GNG12: variants seen among roughly 807,000 people sequenced by gnomAD.
The protein encoded by GNG12 is guanine nucleotide-binding protein G(I)/G(S)/G(O) subunit gamma-12.
For missense variants in GNG12, 69 were observed against 83.8 expected, an observed-to-expected ratio of 0.82 and a Z score of 0.69; for synonymous variants, 28 against 29.7, an observed-to-expected ratio of 0.94 and a Z score of 0.19.
intron 2 of GNG12, among the ~76,000 whole-genome samples, chr1:67,730,059 G>C (rs1037192050): frequency 2.0e-5 from 3 of 152,156 alleles, no homozygotes; most frequent in East Asian, 3.9e-4. Context: ...TATTCAAATG[G>C]AAACTGCCCA....
Position 67,707,699 on chromosome 1 carries a change from T to C in GNG12, c.-13A>G. 6.4e-7 allele frequency: 1 copy of C among 1,573,480 alleles called. No homozygotes were observed. The highest frequency in any genetic ancestry group is 1.2e-5 in the South Asian group (1 of 84,468). ...TTTTGCTGGACATCTTCAATTATTG[T>C]TTTTACCTGAAATCTGAGGAGAATT... On this transcript the variant is annotated 5_prime_UTR_variant, in exon 3 of 4. Coordinates refer to ENST00000370982, the MANE Select transcript of GNG12 (RefSeq NM_018841.6).
Position 67,833,453 on chromosome 1 carries a change from C to A in GNG12, c.-186G>T. ...CTCCTCCTCTTGCTCCTCCGGGCGC[C>A]GGCTCCGCCTCGCTGGGGTGGGCGG... is the stretch of plus-strand genomic sequence containing the variant. On this transcript the variant is annotated 5_prime_UTR_variant, in exon 1 of 4. Transcript: ENST00000370982. 3 of 985,492 alleles carry A rather than the reference C, an allele frequency of 3.0e-6. No homozygotes were observed. Among genetic ancestry groups the A allele is most frequent in the Middle Eastern group, 5.2e-4 (1 of 1,916 alleles). 61.0% of individuals were successfully genotyped at this position (985,492 alleles called of 1,614,324 possible). A position where few individuals can be genotyped will look rare whatever the true frequency, so the allele number is the denominator to read the frequency against.
intron 1 of GNG12, among the ~76,000 whole-genome samples, chr1:67,793,487 T>G (rs549643720): frequency 6.6e-6 from 1 of 152,174 alleles, no homozygotes; most frequent in Non-Finnish European, 1.5e-5. Flanking sequence ...AAGAAAACGG[T>G]AGATATCAAA....
intron 2 of GNG12, among the ~76,000 whole-genome samples, chr1:67,767,803 A>G (rs965811973): frequency 3.9e-5 from 6 of 152,262 alleles, no homozygotes; most frequent in Non-Finnish European, 8.8e-5. Context: ...TTGTTTTCAC[A>G]TGTGCTACAG....
intron 2 of GNG12, among the ~76,000 whole-genome samples, chr1:67,759,494 G>A (rs1646589933): frequency 1.3e-5 from 2 of 152,162 alleles, no homozygotes; most frequent in South Asian, 2.1e-4. Flanking sequence ...TGTGACCTGC[G>A]AATATCTGTT....
intron 2 of GNG12, among the ~76,000 whole-genome samples, chr1:67,731,338 A>C (rs1276336182): frequency 6.6e-6 from 1 of 152,226 alleles, no homozygotes; most frequent in African/African-American, 2.4e-5. Flanking sequence ...CTTTCTATCC[A>C]GTAGAAGGAA....
chr1:67,722,741 T>A (rs184682785), intron 2 of GNG12, among the ~76,000 whole-genome samples: 26 of 152,160 alleles, frequency 1.7e-4, no homozygotes, highest in African/African-American at 5.5e-4. Context: ...GGGAACACTG[T>A]GGGGAAAATG....
intron 1 of GNG12, among the ~76,000 whole-genome samples, chr1:67,805,733 T>C (rs987194213): frequency 1.3e-5 from 2 of 151,944 alleles, no homozygotes; most frequent in South Asian, 4.2e-4. Flanking sequence ...ACAGAAGCAC[T>C]ATCTGAGGCA....
rs1475128342 is a variant in GNG12 at position 67,833,197 on chromosome 1, C to T, written c.-77+147G>A. 8 of 168,198 alleles carry T rather than the reference C, an allele frequency of 4.8e-5. No homozygotes were observed. In the South Asian group the frequency reaches 1.2e-3, roughly 25 times the overall value. The allele number at this position is 168,198 out of a possible 1,614,324, so 10.4% of individuals were successfully genotyped here. A position where few individuals can be genotyped will look rare whatever the true frequency, so the allele number is the denominator to read the frequency against. On this transcript the variant is annotated intron_variant, in intron 1 of 3. Transcript: ENST00000370982. ...CCAGCAGGACACTCTTCCCTCCTTC[C>T]TTCCTTCCTCCGCTCCCTCCCTCCA...
chr1:67,806,032 A>G (rs561888187), intron 1 of GNG12, among the ~76,000 whole-genome samples: 46 of 152,256 alleles, frequency 3.0e-4, no homozygotes, highest in African/African-American at 1.0e-3. Context: ...AGAATTACAT[A>G]CCCTGAAAAA....
intron 2 of GNG12, among the ~76,000 whole-genome samples, chr1:67,731,220 A>G (rs1296547492): frequency 1.3e-5 from 2 of 152,066 alleles, no homozygotes; most frequent in Non-Finnish European, 2.9e-5. Flanking sequence ...GGATTCCCCA[A>G]CCAAAAATTA....
At chr1:67,790,873 C>A (rs944360837) in intron 1 of GNG12, among the ~76,000 whole-genome samples, 1 of 152,198 alleles carries the variant, frequency 6.6e-6, no homozygotes, top group African/African-American at 2.4e-5. Context: ...CTTGGCCTCT[C>A]AAAGTGCTGG....
At chr1:67,723,753 C>T (rs1439082260) in intron 2 of GNG12, among the ~76,000 whole-genome samples, 1 of 152,226 alleles carries the variant, frequency 6.6e-6, no homozygotes, top group African/African-American at 2.4e-5. Context: ...GGAGTCAGCA[C>T]TCTAATCCTG....
At chr1:67,741,607 A>C (rs946789201) in intron 2 of GNG12, among the ~76,000 whole-genome samples, 2 of 152,180 alleles carry the variant, frequency 1.3e-5, no homozygotes, top group Non-Finnish European at 2.9e-5. Context: ...CTTTAATTCC[A>C]CCATCTTTGA....
chr1:67,795,032 A>C (rs1235401668), intron 1 of GNG12, among the ~76,000 whole-genome samples: 1 of 152,228 alleles, frequency 6.6e-6, no homozygotes, highest in Non-Finnish European at 1.5e-5. Context: ...ACAGGGGTAC[A>C]GGGTTTCAAT....
At chr1:67,791,331 C>T (rs1354950509) in intron 1 of GNG12, among the ~76,000 whole-genome samples, 1 of 152,094 alleles carries the variant, frequency 6.6e-6, no homozygotes, top group Non-Finnish European at 1.5e-5. Flanking sequence ...GAATTCTCTC[C>T]TCTTCCTCAA....
intron 1 of GNG12, among the ~76,000 whole-genome samples, chr1:67,823,708 T>C (rs1278184184): frequency 6.6e-6 from 1 of 152,210 alleles, no homozygotes; most frequent in African/African-American, 2.4e-5. Context: ...GGACATCCAA[T>C]ACATTCCTGA....
intron 2 of GNG12, among the ~76,000 whole-genome samples, chr1:67,727,051 C>A (rs1200196586): frequency 2.0e-5 from 3 of 152,174 alleles, no homozygotes; most frequent in Non-Finnish European, 4.4e-5. Context: ...CTGTGCAGGT[C>A]AATTACTTAA....
chr1:67,821,800 T>C (rs1201388126), intron 1 of GNG12, among the ~76,000 whole-genome samples: 1 of 144,588 alleles, frequency 6.9e-6, no homozygotes, highest in Non-Finnish European at 1.6e-5. Flanking sequence ...GCACATAGAA[T>C]AGTGGCACAT....
Sources: allele counts gnomAD v4.1 joint callset (sites outside exome capture counted in the v4.1 genomes callset), GRCh38; gene constraint gnomAD v4.1.1; transcripts MANE v1.5; gene names NCBI Gene and HGNC (gene_info 2026-07-23, HGNC 2026-07-21).